STK24: variants seen among roughly 807,000 people sequenced by gnomAD.
The protein encoded by STK24 is serine/threonine-protein kinase 24.
A neutral mutation model predicts 55.6 loss-of-function variants in STK24; 21 were observed. That is an observed-to-expected ratio of 0.38 (90% CI 0.27 to 0.54). The LOEUF (loss-of-function observed/expected upper bound fraction) is 0.54, where lower values mean the gene tolerates loss of function less well. STK24 is among the 20% of genes least tolerant of loss of function. STK24 has a pLI of 0.79. For synonymous variants in STK24, 200 were observed against 215.2 expected (o/e 0.93, Z 0.62); for missense variants, 383 against 538.4 (o/e 0.71, Z 2.86).
chr13:98,519,387 G>A lies in STK24; in HGVS notation c.129C>T (p.Asp43=). Residue 43 remains aspartate (D), a synonymous_variant, in exon 2 of 11, where the codon GAC becomes GAT. Coordinates refer to ENST00000539966, the MANE Select transcript of STK24 (RefSeq NM_001032296.4). ...TGGCAACCACTTTCTGAGTCCGATTGTCAATGCCTTTGAACACCTCTCCAA... is the reference window on the plus strand; with the variant it reads ...TGGCAACCACTTTCTGAGTCCGATTATCAATGCCTTTGAACACCTCTCCAA... ...GSFGEVFKGI[D]NRTQKVVAIK... 6.2e-7 allele frequency: 1 copy of A among 1,614,160 alleles called. No homozygotes were observed. The highest frequency in any genetic ancestry group is 8.5e-7 in the Non-Finnish European group (1 of 1,180,036).
intron 1 of STK24, among the ~76,000 whole-genome samples, chr13:98,532,448 T>TCCCATCCCACACCCACCACACA (rs1251001686): frequency 3.6e-5 from 5 of 137,728 alleles, no homozygotes; most frequent in East Asian, 2.1e-4. Context: ...CCCACACACA[T>TCCCATCCCACACCCACCACACA]CCCATCCCAC....
rs3752973 is a variant in STK24, at chr13:98,445,255, G to A, written c.*7918C>T. The A allele has an allele frequency of 0.67, 101,822 of 152,202 alleles. 37,037 individuals are homozygous for A. Among genetic ancestry groups the A allele is most frequent in the Non-Finnish European group, 0.83 (56,213 of 68,006 alleles). The allele number at this position is 152,202 out of a possible 1,614,324, so 9.4% of individuals were successfully genotyped here. A position where few individuals can be genotyped will look rare whatever the true frequency, so the allele number is the denominator to read the frequency against. On this transcript the variant is annotated 3_prime_UTR_variant, in exon 11 of 11. Transcript: ENST00000539966. ...TATTGGCCAACTTAACGATTTTTAC[G>A]GGAACAATTCAGTGGCATTAAGTGC... is the stretch of plus-strand genomic sequence containing the variant.
intron 5 of STK24, among the ~76,000 whole-genome samples, chr13:98,471,439 C>T (rs1410522878): frequency 2.6e-5 from 4 of 152,162 alleles, no homozygotes; most frequent in South Asian, 2.1e-4. Flanking sequence ...GTGTTGAAAC[C>T]GGAGGCTTCT....
At chr13:98,515,678 G>A (rs1458344661) in intron 2 of STK24, among the ~76,000 whole-genome samples, 1 of 152,174 alleles carries the variant, frequency 6.6e-6, no homozygotes, top group Non-Finnish European at 1.5e-5. Context: ...GTAACATTCA[G>A]AATATTTAGA....
intron 2 of STK24, among the ~76,000 whole-genome samples, chr13:98,493,637 T>C (rs1392374859): frequency 6.6e-6 from 1 of 152,136 alleles, no homozygotes; most frequent in Non-Finnish European, 1.5e-5. Flanking sequence ...GTATTTCTAA[T>C]AATTACAATA....
At chr13:98,484,875 G>C (rs1023892922) in intron 2 of STK24, among the ~76,000 whole-genome samples, 1 of 152,122 alleles carries the variant, frequency 6.6e-6, no homozygotes, top group Non-Finnish European at 1.5e-5. Context: ...CAGCCTTCCC[G>C]CTTCCCTCCA....
chr13:98,494,078 G>A (rs1236809811), intron 2 of STK24, among the ~76,000 whole-genome samples: 3 of 147,678 alleles, frequency 2.0e-5, no homozygotes, highest in South Asian at 2.2e-4. Context: ...TCCTGACCTC[G>A]TGATCCGCCC....
At position 98,464,963 on chromosome 13, in the gene STK24, AG is replaced by A. The variant is rs1169640318; in HGVS notation, c.784-1128del. The stretch of plus-strand genomic sequence containing the variant: ...TCACCACCAACTTTCCCGGTTTAGA[AG>A]GGCTATTTCCCAGGTCCCTCCCTCC... On this transcript the variant is annotated intron_variant, in intron 6 of 10. Transcript: ENST00000539966. 2.6e-5 allele frequency among the ~76,000 whole-genome samples: 4 copies of A among 152,304 alleles called. No homozygotes were observed. The East Asian group carries it at 7.7e-4, about 29-fold the overall frequency.
intron 9 of STK24, among the ~76,000 whole-genome samples, chr13:98,459,757 C>T (rs1054199986): frequency 2.6e-5 from 4 of 152,266 alleles, no homozygotes; most frequent in Admixed American, 2.0e-4. Flanking sequence ...AGGGGCACAA[C>T]AAGAAAAGAG....
chr13:98,476,251 C>G (rs1036119426), intron 3 of STK24, among the ~76,000 whole-genome samples: 16 of 142,670 alleles, frequency 1.1e-4, no homozygotes, highest in African/African-American at 4.0e-4. Flanking sequence ...CCCCCCCCCG[C>G]CCCCTGCAGA....
intron 1 of STK24, among the ~76,000 whole-genome samples, chr13:98,526,876 A>G (rs1896444082): frequency 1.3e-5 from 2 of 152,046 alleles, no homozygotes; most frequent in South Asian, 4.1e-4. Context: ...CGTTATTCAG[A>G]TATGCAGGAC....
At chr13:98,511,274 C>T (rs999234226) in intron 2 of STK24, among the ~76,000 whole-genome samples, 1 of 152,198 alleles carries the variant, frequency 6.6e-6, no homozygotes, top group African/African-American at 2.4e-5. Context: ...AATCATAAGT[C>T]ATTAGGGAAA....
intron 6 of STK24, 81 bp downstream of exon 6, chr13:98,466,295 T>C (rs1893923923): frequency 7.1e-7 from 1 of 1,401,296 alleles, no homozygotes; most frequent in Non-Finnish European, 9.6e-7. Flanking sequence ...AAAAGAGTGA[T>C]TAAAGCAATC....
At chr13:98,491,211 A>G (rs1895018007) in intron 2 of STK24, among the ~76,000 whole-genome samples, 1 of 152,172 alleles carries the variant, frequency 6.6e-6, no homozygotes, top group African/African-American at 2.4e-5. Flanking sequence ...TCTCCCTGCG[A>G]GCAATGCCTT....
intron 5 of STK24, among the ~76,000 whole-genome samples, chr13:98,471,215 T>G (rs1478754374): frequency 6.6e-6 from 1 of 152,174 alleles, no homozygotes. Flanking sequence ...GTAGACAGGC[T>G]GGCTGCCTGG....
intron 2 of STK24, among the ~76,000 whole-genome samples, chr13:98,500,732 G>A (rs868161664): frequency 1.2e-4 from 16 of 138,158 alleles, no homozygotes; most frequent in Admixed American, 7.3e-4. Flanking sequence ...CCCCCAACCC[G>A]TCCACAAGCC....
At chr13:98,532,940 T>C (rs1291267539) in intron 1 of STK24, among the ~76,000 whole-genome samples, 13 of 152,242 alleles carry the variant, frequency 8.5e-5, no homozygotes, top group African/African-American at 1.4e-4. Flanking sequence ...ATTTCTCCCA[T>C]AGTATACACT....
intron 2 of STK24, among the ~76,000 whole-genome samples, chr13:98,501,041 AG>A (rs1895438713): frequency 1.3e-5 from 2 of 152,066 alleles, no homozygotes; most frequent in African/African-American, 4.8e-5. Context: ...TGAGAATATA[AG>A]GGGGAAAAAA....
rs1176272578 is a variant in STK24, at chr13:98,453,130, G to A, written c.*43C>T. 2.5e-6 allele frequency: 4 copies of A among 1,608,922 alleles called. No homozygotes were observed. The highest frequency in any genetic ancestry group is 1.7e-4 in the Middle Eastern group (1 of 5,930). ...ACTTTTAAAAAAGGAGGAGGATGAA[G>A]AAGGAAAAAAGGAAAAACAAAACCC... On this transcript the variant is annotated 3_prime_UTR_variant, in exon 11 of 11. Coordinates refer to ENST00000539966, the MANE Select transcript of STK24 (RefSeq NM_001032296.4).
Sources: allele counts gnomAD v4.1 joint callset (sites outside exome capture counted in the v4.1 genomes callset), GRCh38; gene constraint gnomAD v4.1.1; transcripts MANE v1.5; gene names NCBI Gene and HGNC (gene_info 2026-07-23, HGNC 2026-07-21).